BPNT1: variants seen among roughly 807,000 people sequenced by gnomAD.
BPNT1 encodes the protein 3'(2'),5'-bisphosphate nucleotidase 1.
Under a neutral mutation model 36.9 loss-of-function variants are expected in BPNT1, and 28 were observed. The observed-to-expected ratio is 0.76, with a 90% CI of 0.56 to 1.04. The LOEUF is 1.04. Among genes scored for constraint, BPNT1 ranks in the 50% least tolerant of loss-of-function variants. BPNT1 has a pLI of 0.00. For synonymous variants in BPNT1, 119 were observed against 130.9 expected, an observed-to-expected ratio of 0.91 and a Z score of 0.62; for missense variants, 313 against 372.9, an observed-to-expected ratio of 0.84 and a Z score of 1.32.
chr1:220,080,656 T>G (rs1232568429), intron 1 of BPNT1, among the ~76,000 whole-genome samples: 9 of 152,164 alleles, frequency 5.9e-5, no homozygotes, highest in African/African-American at 2.2e-4. Context: ...GCCCCCATGA[T>G]TCAGTTACCT....
In BPNT1 at chr1:220,057,484, G is replaced by C; in HGVS notation, c.*1360C>G. 1 of 161,946 alleles carries C rather than the reference G, an allele frequency of 6.2e-6. No homozygotes were observed. Among genetic ancestry groups the C allele is most frequent in the Non-Finnish European group, 1.3e-5 (1 of 74,620 alleles). The allele number at this position is 161,946 out of a possible 1,614,324, so 10.0% of individuals were successfully genotyped here. A position where few individuals can be genotyped will look rare whatever the true frequency, so the allele number is the denominator to read the frequency against. ...GAACTGTTAATTTAAACCACTTGTT[G>C]ATTTGAAAACAGATAATTTTAATTA... On this transcript the variant is annotated 3_prime_UTR_variant, in exon 9 of 9. Coordinates refer to ENST00000322067, the MANE Select transcript of BPNT1 (RefSeq NM_006085.6).
Position 220,058,644 on chromosome 1 carries a change from G to T in BPNT1, c.*200C>A. 1 of 769,424 alleles carries T rather than the reference G, an allele frequency of 1.3e-6. No homozygotes were observed. The highest frequency in any genetic ancestry group is 1.8e-5 in the African/African-American group (1 of 56,290). 47.7% of individuals were successfully genotyped at this position (769,424 alleles called of 1,614,324 possible). ...CCTTCCGGGCTCAAGAGATTCTTCT[G>T]CTTCAGCCTCTCAAGTAGCTGGGAT... On this transcript the variant is annotated 3_prime_UTR_variant, in exon 9 of 9. Transcript: ENST00000322067.
Position 220,072,923 on chromosome 1 carries a change from A to T in BPNT1, c.260T>A (p.Ile87Asn). The part of the protein sequence containing the change: ...LPSEEVDQEL[I>N]EDSQWEEILK... ...TATTTCTTCCCACTGACTGTCTTCA[A>T]TCAGCTCTTGATCCACTTCCTCAGA... The change falls in exon 4 of 9, where the codon ATT becomes AAT. Residue 87 changes from isoleucine to asparagine, a missense_variant. Ile to Asn is a moderately radical substitution (Grantham distance 149). Coordinates refer to ENST00000322067, the MANE Select transcript of BPNT1 (RefSeq NM_006085.6). The T allele has an allele frequency of 6.2e-7, 1 of 1,614,142 alleles. No homozygotes were observed. The highest frequency in any genetic ancestry group is 8.5e-7 in the Non-Finnish European group (1 of 1,179,994).
At chr1:220,074,842 G>A (rs777088810) in intron 2 of BPNT1, among the ~76,000 whole-genome samples, 1 of 152,088 alleles carries the variant, frequency 6.6e-6, no homozygotes, top group Non-Finnish European at 1.5e-5. Context: ...ATGAACTGCT[G>A]TAATATTTAA....
chr1:220,076,077 T>C (rs1664517124), intron 2 of BPNT1, among the ~76,000 whole-genome samples: 1 of 152,078 alleles, frequency 6.6e-6, no homozygotes, highest in Non-Finnish European at 1.5e-5. Flanking sequence ...TTATAAAAAA[T>C]GAGATTAGGG....
chr1:220,088,394 A>G (rs1655941458), intron 1 of BPNT1, among the ~76,000 whole-genome samples: 2 of 151,010 alleles, frequency 1.3e-5, no homozygotes, highest in Middle Eastern at 3.4e-3. Flanking sequence ...GAGGCAGGAA[A>G]ATTGCTTGAA....
chr1:220,083,103 G>A (rs1655348324), intron 1 of BPNT1, among the ~76,000 whole-genome samples: 1 of 151,384 alleles, frequency 6.6e-6, no homozygotes, highest in South Asian at 2.1e-4. Flanking sequence ...CGGGCGTGGT[G>A]GCATGCACCT....
intron 2 of BPNT1, among the ~76,000 whole-genome samples, chr1:220,076,056 T>TA (rs1044728631): frequency 2.0e-5 from 3 of 151,968 alleles, no homozygotes; most frequent in South Asian, 2.1e-4. Context: ...CTTTTCATAA[T>TA]AAAAAAAACT....
intron 2 of BPNT1, among the ~76,000 whole-genome samples, chr1:220,075,645 C>A (rs1489596125): frequency 6.6e-6 from 1 of 152,160 alleles, no homozygotes; most frequent in Non-Finnish European, 1.5e-5. Flanking sequence ...GAAAGCCATT[C>A]CACTATGTGA....
At chr1:220,062,986 G>A (rs747979127) in intron 6 of BPNT1, 32 bp from the exon 7 acceptor site, 1 of 1,601,136 alleles carries the variant, frequency 6.2e-7, no homozygotes, top group South Asian at 1.1e-5. Context: ...CAAGACTTGT[G>A]GTTATTTGGA....
chr1:220,086,907 C>A (rs943296657), intron 1 of BPNT1, among the ~76,000 whole-genome samples: 51 of 150,424 alleles, frequency 3.4e-4, no homozygotes, highest in African/African-American at 1.1e-3. Flanking sequence ...ATGAGCCGGG[C>A]ATATTGGCGG....
chr1:220,085,391 C>T (rs1344260420), intron 1 of BPNT1, among the ~76,000 whole-genome samples: 3 of 152,202 alleles, frequency 2.0e-5, no homozygotes, highest in Non-Finnish European at 4.4e-5. Context: ...CTCTGCAGCC[C>T]ACTACCTGTG....
At position 220,082,685 on chromosome 1, in the gene BPNT1, C is replaced by G. The variant is rs547834502; in HGVS notation, c.-8-2831G>C. Among the ~76,000 whole-genome samples, 3 of 151,970 alleles carry G rather than the reference C, an allele frequency of 2.0e-5. No individual in the cohort carries two copies. In the South Asian group the frequency reaches 6.2e-4, roughly 32 times the overall value. On this transcript the variant is annotated intron_variant, in intron 1 of 8. Coordinates refer to ENST00000322067, the MANE Select transcript of BPNT1 (RefSeq NM_006085.6). ...CGCTGCAACCTCTGTCTCCCAGGCT[C>G]AAGTGATTCTTGTGCTTCAGCCTCC... is the stretch of plus-strand genomic sequence containing the variant.
chr1:220,059,725 C>T lies in BPNT1; in HGVS notation c.739G>A (p.Asp247Asn), dbSNP rs1662849119. Residue 247 changes from aspartate to asparagine, a missense_variant, in exon 8 of 9, where the codon GAT becomes AAT. Coordinates refer to ENST00000322067, the MANE Select transcript of BPNT1 (RefSeq NM_006085.6). ...AAAATAACTTCTGGAGCACAAGTATCCCACTTCTTACAACCAGGACTTGCA... is the reference window on the plus strand; with the variant it reads ...AAAATAACTTCTGGAGCACAAGTATTCCACTTCTTACAACCAGGACTTGCA... ...VFASPGCKKW[D>N]TCAPEVILHA... 6.2e-7 allele frequency: 1 copy of T among 1,611,656 alleles called. No homozygotes were observed. Among genetic ancestry groups the T allele is most frequent in the South Asian group, 1.1e-5 (1 of 90,490 alleles).
chr1:220,074,143 T>G, intron 2 of BPNT1, 72 bp from the exon 3 acceptor site: 4 of 1,340,200 alleles, frequency 3.0e-6, no homozygotes, highest in Non-Finnish European at 2.1e-6. Context: ...TGTGCATGAG[T>G]GCCTACATAA....
chr1:220,079,513 A>C (rs796955883), intron 2 of BPNT1, among the ~76,000 whole-genome samples: 3 of 152,244 alleles, frequency 2.0e-5, no homozygotes, highest in African/African-American at 7.2e-5. Flanking sequence ...CGGTCTCCCA[A>C]AGTACTGGGA....
At chr1:220,065,529 A>T (rs1663459093) in intron 6 of BPNT1, among the ~76,000 whole-genome samples, 2 of 152,232 alleles carry the variant, frequency 1.3e-5, no homozygotes, top group Non-Finnish European at 2.9e-5. Flanking sequence ...TGAATTGCTA[A>T]GTCTTTTCTC....
chr1:220,075,076 C>T (rs1004421853), intron 2 of BPNT1, among the ~76,000 whole-genome samples: 5 of 152,182 alleles, frequency 3.3e-5, no homozygotes, highest in African/African-American at 1.2e-4. Flanking sequence ...CGGAGTCTCA[C>T]TCTGTCGCCT....
intron 6 of BPNT1, among the ~76,000 whole-genome samples, chr1:220,063,690 T>C (rs1230394504): frequency 6.6e-6 from 1 of 152,178 alleles, no homozygotes; most frequent in Admixed American, 6.5e-5. Context: ...GAATAGGTAA[T>C]GATGACAATG....
Sources: gnomAD v4.1 joint callset for allele counts (sites outside exome capture counted in the v4.1 genomes callset) on GRCh38, gnomAD v4.1.1 for gene constraint, MANE v1.5 for transcripts, NCBI Gene and HGNC (gene_info 2026-07-23, HGNC 2026-07-21) for gene names.